Variants in EYS observed in about 807,000 individuals in gnomAD.
EYS encodes protein eyes shut homolog.
Under a neutral mutation model 282.1 loss-of-function variants are expected in EYS, and 250 were observed. That is an observed-to-expected ratio of 0.89 (90% CI 0.80 to 0.98). EYS has a LOEUF of 0.98. EYS is among the 50% of genes least tolerant of loss of function. EYS has a pLI of 0.00. For missense variants in EYS, 4,016 were observed against 3,709.0 expected (o/e 1.08, Z -2.15); for synonymous variants, 1,355 against 1,282.9 (o/e 1.06, Z -1.20).
At chr6:64,999,977 C>G (rs1771410287) in intron 13 of EYS, among the ~76,000 whole-genome samples, 1 of 152,138 alleles carries the variant, frequency 6.6e-6, no homozygotes, top group Non-Finnish European at 1.5e-5. Flanking sequence ...AAGGCAAGAA[C>G]CCAGGATACA....
intron 19 of EYS, among the ~76,000 whole-genome samples, chr6:64,864,385 C>CTTTTT (rs769240399): frequency 0.016 from 897 of 57,104 alleles, 204 homozygotes; most frequent in Admixed American, 0.024. Flanking sequence ...GCTATACCTT[C>CTTTTT]TTTTTTTTTT....
chr6:64,495,486 C>CATTCCAGACCA (rs1337974481), intron 26 of EYS, among the ~76,000 whole-genome samples: 6 of 151,760 alleles, frequency 4.0e-5, no homozygotes, highest in Admixed American at 2.0e-4. Flanking sequence ...AGCTAAAGGG[C>CATTCCAGACCA]ATTCCAGACC....
At chr6:64,238,491 C>T (rs1766685807) in intron 30 of EYS, among the ~76,000 whole-genome samples, 1 of 152,082 alleles carries the variant, frequency 6.6e-6, no homozygotes, top group Non-Finnish European at 1.5e-5. Flanking sequence ...ACCCCTCACC[C>T]TGTATTGTAC....
chr6:64,435,158 CT>C (rs1464432507), intron 28 of EYS, among the ~76,000 whole-genome samples: 1 of 151,588 alleles, frequency 6.6e-6, no homozygotes, highest in Non-Finnish European at 1.5e-5. Flanking sequence ...TATAGTGACA[CT>C]AAGCATTAAG....
intron 35 of EYS, among the ~76,000 whole-genome samples, chr6:63,966,806 A>G (rs1007952428): frequency 1.3e-5 from 2 of 152,184 alleles, no homozygotes; most frequent in African/African-American, 2.4e-5. Flanking sequence ...TAAGCAATCA[A>G]TGATGTTAGC....
intron 2 of EYS, among the ~76,000 whole-genome samples, chr6:65,559,392 A>C (rs1768943412): frequency 6.6e-6 from 1 of 152,072 alleles, no homozygotes; most frequent in East Asian, 1.9e-4. Flanking sequence ...AAGAGAAAAA[A>C]AGAAAAGAAA....
At chr6:65,330,642 A>G (rs1769761136) in intron 11 of EYS, 1 of 934,286 alleles carries the variant, frequency 1.1e-6, no homozygotes, top group Non-Finnish European at 1.3e-6. Flanking sequence ...TTTATACGCT[A>G]TTCATTAACT....
At chr6:64,339,735 A>G (rs1292671731) in intron 29 of EYS, among the ~76,000 whole-genome samples, 1 of 151,724 alleles carries the variant, frequency 6.6e-6, no homozygotes, top group Non-Finnish European at 1.5e-5. Context: ...AAAAGGAATG[A>G]ATTATGGCAT....
chr6:63,824,926 G>A lies in EYS; in HGVS notation c.7229-18554C>T, dbSNP rs529835665. Among the ~76,000 whole-genome samples the A allele has an allele frequency of 3.0e-4, 45 of 152,316 alleles. No homozygotes were observed. The South Asian group carries it at 3.9e-3, about 13-fold the overall frequency. ...TCCTGGCCAGAACTTGGGGGAGGGCGCCAATCCCGCTTGCAGAGTTCACAA... is the reference window on the plus strand; with the variant it reads ...TCCTGGCCAGAACTTGGGGGAGGGCACCAATCCCGCTTGCAGAGTTCACAA... On this transcript the variant is annotated intron_variant, in intron 36 of 42. Coordinates refer to ENST00000503581, the MANE Select transcript of EYS (RefSeq NM_001142800.2).
At chr6:65,010,135 C>T (rs903411764) in intron 13 of EYS, among the ~76,000 whole-genome samples, 1 of 152,182 alleles carries the variant, frequency 6.6e-6, no homozygotes, top group Admixed American at 6.5e-5. Context: ...CAGAAAAGAA[C>T]AGGAATAGCT....
intron 1 of EYS, among the ~76,000 whole-genome samples, chr6:65,648,314 A>ATGTG (rs58196369): frequency 0.012 from 1,761 of 147,858 alleles, 23 homozygotes; most frequent in Middle Eastern, 0.021. Flanking sequence ...AAGAAAATAT[A>ATGTG]TGTGTGTGTG....
chr6:63,840,209 A>AGCTTATTATTATTATTAT (rs748732292), intron 36 of EYS, among the ~76,000 whole-genome samples: 879 of 60,514 alleles, frequency 0.015, 17 homozygotes, highest in Admixed American at 0.072. Flanking sequence ...CACCATGCCC[A>AGCTTATTATTATTATTAT]TCTTATTATT....
chr6:63,735,716 G>A (rs1326436733), intron 41 of EYS, among the ~76,000 whole-genome samples: 2 of 152,082 alleles, frequency 1.3e-5, no homozygotes, highest in South Asian at 2.1e-4. Context: ...CATGATTCAC[G>A]TTTCAACTGT....
chr6:65,562,820 C>G (rs77797106), intron 2 of EYS, among the ~76,000 whole-genome samples: 5,486 of 151,950 alleles, frequency 0.036, 260 homozygotes, highest in African/African-American at 0.11. Flanking sequence ...TTTAACAGTC[C>G]TCTGCATGAA....
chr6:64,315,097 C>A (rs1376126129), intron 29 of EYS, among the ~76,000 whole-genome samples: 1 of 152,062 alleles, frequency 6.6e-6, no homozygotes, highest in Non-Finnish European at 1.5e-5. Context: ...GGGGATATCA[C>A]CACCGATTTC....
chr6:63,876,442 C>T lies in EYS; in HGVS notation c.7056-12084G>A, dbSNP rs978445954. ...GCGATGTGGTGCTGAGAAGAATGTACATTCTGTTGATTTGGGGTTGAGAGT... is the reference window on the plus strand; with the variant it reads ...GCGATGTGGTGCTGAGAAGAATGTATATTCTGTTGATTTGGGGTTGAGAGT... On this transcript the variant is annotated intron_variant, in intron 35 of 42. Transcript: ENST00000503581. 5.9e-5 allele frequency among the ~76,000 whole-genome samples: 9 copies of T among 152,244 alleles called. No individual in the cohort carries two copies. The East Asian group carries it at 1.2e-3, about 20-fold the overall frequency.
chr6:64,889,655 T>C (rs1000274993), intron 18 of EYS, among the ~76,000 whole-genome samples: 1 of 152,066 alleles, frequency 6.6e-6, no homozygotes, highest in Non-Finnish European at 1.5e-5. Context: ...ACATAAATTG[T>C]GAAGATTTCA....
At chr6:64,925,281 G>T (rs1768479920) in intron 15 of EYS, among the ~76,000 whole-genome samples, 1 of 152,170 alleles carries the variant, frequency 6.6e-6, no homozygotes, top group African/African-American at 2.4e-5. Flanking sequence ...CAGACCTCAT[G>T]ATTCAATTAC....
intron 14 of EYS, among the ~76,000 whole-genome samples, chr6:64,955,931 T>C (rs78179410): frequency 6.6e-6 from 1 of 152,230 alleles, no homozygotes; most frequent in Non-Finnish European, 1.5e-5. Context: ...ACTCACTCTC[T>C]GGTGTCCACA....
Sources: allele counts gnomAD v4.1 joint callset (sites outside exome capture counted in the v4.1 genomes callset), GRCh38; gene constraint gnomAD v4.1.1; transcripts MANE v1.5; gene names NCBI Gene and HGNC (gene_info 2026-07-23, HGNC 2026-07-21).